Variants in NCKAP5 observed in about 807,000 individuals in gnomAD.
NCKAP5 encodes the protein NCK associated protein 5.
Under a neutral mutation model 167.0 loss-of-function variants are expected in NCKAP5, and 92 were observed. The observed-to-expected ratio is 0.55, with a 90% CI of 0.47 to 0.66. The LOEUF (loss-of-function observed/expected upper bound fraction) is 0.66, where lower values mean the gene tolerates loss of function less well. Among genes scored for constraint, NCKAP5 ranks in the 30% least tolerant of loss-of-function variants. The probability of loss-of-function intolerance (pLI) is 0.00; values close to 1 mark genes in which losing one functional copy is unlikely to be tolerated. For missense variants in NCKAP5, 2,378 were observed against 2,315.0 expected (o/e 1.03, Z -0.56); for synonymous variants, 891 against 877.4 (o/e 1.02, Z -0.27).
intron 9 of NCKAP5, among the ~76,000 whole-genome samples, chr2:132,874,386 G>A (rs1466743990): frequency 6.6e-6 from 1 of 152,156 alleles, no homozygotes; most frequent in Admixed American, 6.6e-5. Context: ...GGGATTACAG[G>A]TGTGAGCCAC....
At chr2:132,686,244 G>T (rs1412838691) in intron 19 of NCKAP5, among the ~76,000 whole-genome samples, 1 of 152,192 alleles carries the variant, frequency 6.6e-6, no homozygotes, top group Non-Finnish European at 1.5e-5. Context: ...ATGGCAGCAA[G>T]CTAAATTTTG....
At chr2:132,849,764 G>A (rs909514578) in intron 11 of NCKAP5, among the ~76,000 whole-genome samples, 1 of 152,084 alleles carries the variant, frequency 6.6e-6, no homozygotes, top group African/African-American at 2.4e-5. Context: ...CTACCTCTTT[G>A]GTCCACCCGA....
chr2:132,815,263 T>G (rs1255915038), intron 11 of NCKAP5, among the ~76,000 whole-genome samples: 3 of 152,168 alleles, frequency 2.0e-5, no homozygotes, highest in Admixed American at 1.3e-4. Flanking sequence ...TTCAGAGAAA[T>G]TGGTTATGGA....
At chr2:133,571,970 C>T (rs2105071856), upstream of NCKAP5, among the ~76,000 whole-genome samples, 2 of 139,234 alleles carry the variant, frequency 1.4e-5, no homozygotes, top group African/African-American at 5.6e-5. Context: ...AGTGAAACTC[C>T]ATCTCAAAAA....
intron 17 of NCKAP5, among the ~76,000 whole-genome samples, chr2:132,729,762 CATT>C (rs887767440): frequency 2.0e-5 from 3 of 152,304 alleles, no homozygotes; most frequent in African/African-American, 7.2e-5. Context: ...GAATTGCTGT[CATT>C]ATCCTCCAAC....
rs1305398660 is a variant in NCKAP5, at chr2:133,439,103, GCATC to G, written c.69+78351_69+78354del. On this transcript the variant is annotated intron_variant, in intron 3 of 19. Transcript: ENST00000409261. The stretch of plus-strand genomic sequence containing the variant: ...TTCAAAAGCTTCCAAAAGAGAGATA[GCATC>G]CACAGAAATTCAGAGTGAGCTGCTG... Among the ~76,000 whole-genome samples the G allele has an allele frequency of 7.2e-5, 11 of 152,302 alleles. No individual in the cohort carries two copies. The South Asian group carries it at 1.0e-3, about 14-fold the overall frequency.
chr2:132,718,200 G>C (rs916093005), intron 19 of NCKAP5, among the ~76,000 whole-genome samples: 1 of 152,122 alleles, frequency 6.6e-6, no homozygotes, highest in Non-Finnish European at 1.5e-5. Context: ...AGTAGAAGCT[G>C]AACAAACCAA....
At chr2:133,187,655 T>C (rs539690404) in intron 5 of NCKAP5, among the ~76,000 whole-genome samples, 1 of 152,186 alleles carries the variant, frequency 6.6e-6, no homozygotes, top group African/African-American at 2.4e-5. Context: ...TACTTATGGA[T>C]TGGAAGACTT....
chr2:132,856,276 G>C (rs1199023384), intron 11 of NCKAP5, among the ~76,000 whole-genome samples: 1 of 152,130 alleles, frequency 6.6e-6, no homozygotes, highest in Non-Finnish European at 1.5e-5. Context: ...AAAGGAAAGT[G>C]TGCAGTGTCT....
chr2:133,617,286 T>A, the NCKAP5 span, among the ~76,000 whole-genome samples: 1 of 152,168 alleles, frequency 6.6e-6, no homozygotes, highest in Non-Finnish European at 1.5e-5. Context: ...CAACATAGTG[T>A]TGAAAGTTCT....
Position 133,358,166 on chromosome 2 carries a change from G to GTT in NCKAP5, c.70-55058_70-55057dup, listed in dbSNP as rs1684864508. Among the ~76,000 whole-genome samples, 3 of 152,202 alleles carry GTT rather than the reference G, an allele frequency of 2.0e-5. No individual in the cohort carries two copies. The South Asian group carries it at 6.2e-4, about 32-fold the overall frequency. ...TGCTGCATTACATTGAAATTAACCAGTTACGTATCTGTTTCTTACTCTAGA... is the reference window on the plus strand; with the variant it reads ...TGCTGCATTACATTGAAATTAACCAGTTTTACGTATCTGTTTCTTACTCTAGA... On this transcript the variant is annotated intron_variant, in intron 3 of 19. Transcript: ENST00000409261.
chr2:133,165,779 C>G (rs1335480041), intron 5 of NCKAP5, among the ~76,000 whole-genome samples: 1 of 152,098 alleles, frequency 6.6e-6, no homozygotes, highest in East Asian at 1.9e-4. Flanking sequence ...ACTATTTGGC[C>G]CCTTAGATCC....
At chr2:133,598,508 C>T in the NCKAP5 span, among the ~76,000 whole-genome samples, 1 of 152,196 alleles carries the variant, frequency 6.6e-6, no homozygotes, top group Non-Finnish European at 1.5e-5. Flanking sequence ...TTGACCTTAG[C>T]CCTGTGGCTT....
At chr2:133,597,854 C>T in the NCKAP5 span, among the ~76,000 whole-genome samples, 1 of 152,098 alleles carries the variant, frequency 6.6e-6, no homozygotes, top group African/African-American at 2.4e-5. Flanking sequence ...GAACCCACCT[C>T]TCCTCCCAGC....
At chr2:133,615,141 T>G in the NCKAP5 span, among the ~76,000 whole-genome samples, 1 of 151,692 alleles carries the variant, frequency 6.6e-6, no homozygotes, top group Admixed American at 6.6e-5. Context: ...AAAGAGCTCC[T>G]GAAGGAAGCT....
intron 3 of NCKAP5, among the ~76,000 whole-genome samples, chr2:133,510,704 C>T (rs1355675489): frequency 1.3e-5 from 2 of 152,142 alleles, no homozygotes; most frequent in Non-Finnish European, 2.9e-5. Context: ...TGTGAAGCAC[C>T]GTGAAGGAGC....
chr2:132,831,301 C>T (rs1274028319), intron 11 of NCKAP5, among the ~76,000 whole-genome samples: 1 of 152,144 alleles, frequency 6.6e-6, no homozygotes, highest in African/African-American at 2.4e-5. Flanking sequence ...AGCATTTCTG[C>T]AGAAGAGATA....
chr2:133,262,105 T>C (rs2088936302), intron 4 of NCKAP5, among the ~76,000 whole-genome samples: 1 of 152,224 alleles, frequency 6.6e-6, no homozygotes, highest in Admixed American at 6.5e-5. Flanking sequence ...TGCCCTAATA[T>C]GTGTTAGATT....
At chr2:133,124,218 T>C (rs2082333928) in intron 6 of NCKAP5, among the ~76,000 whole-genome samples, 1 of 152,210 alleles carries the variant, frequency 6.6e-6, no homozygotes, top group African/African-American at 2.4e-5. Flanking sequence ...GAGTTCCATG[T>C]GGGTGATTTT....
Sources: gnomAD v4.1 joint callset for allele counts (sites outside exome capture counted in the v4.1 genomes callset) on GRCh38, gnomAD v4.1.1 for gene constraint, MANE v1.5 for transcripts, NCBI Gene and HGNC (gene_info 2026-07-23, HGNC 2026-07-21) for gene names.